Variants in SGF29 observed in about 807,000 individuals in gnomAD.
SGF29 encodes SAGA-associated factor 29.
Under a neutral mutation model 38.1 loss-of-function variants are expected in SGF29, and 15 were observed. The observed-to-expected ratio is 0.39, with a 90% CI of 0.26 to 0.61. The LOEUF (loss-of-function observed/expected upper bound fraction) is 0.61, where lower values mean the gene tolerates loss of function less well. Among genes scored for constraint, SGF29 ranks in the 20% least tolerant of loss-of-function variants. The pLI is 0.49. For synonymous variants in SGF29, 151 were observed against 160.8 expected (o/e 0.94, Z 0.46); for missense variants, 184 against 394.6 (o/e 0.47, Z 4.52).
intron 9 of SGF29, among the ~76,000 whole-genome samples, chr16:28,591,174 C>T (rs902641186): frequency 6.6e-5 from 10 of 152,098 alleles, no homozygotes; most frequent in East Asian, 5.8e-4. Flanking sequence ...GAACCAGCTC[C>T]GAGATGGGAA....
chr16:28,560,670 G>A (rs1690711364), intron 1 of SGF29, among the ~76,000 whole-genome samples: 1 of 151,330 alleles, frequency 6.6e-6, no homozygotes, highest in Admixed American at 6.6e-5. Flanking sequence ...ACAAAAAAAG[G>A]CAATGAACGG....
At chr16:28,554,296 C>T (rs954387448) in intron 1 of SGF29, among the ~76,000 whole-genome samples, 199 bp downstream of exon 1, 1 of 151,742 alleles carries the variant, frequency 6.6e-6, no homozygotes, top group African/African-American at 2.4e-5. Context: ...TCGGGGAGGG[C>T]GGGCCCTGCG....
rs749470859 is a variant in SGF29 at position 28,590,474 on chromosome 16, G to C, written c.566+32G>C. 6.2e-7 allele frequency: 1 copy of C among 1,613,852 alleles called. No homozygotes were observed. Among genetic ancestry groups the C allele is most frequent in the South Asian group, 1.1e-5 (1 of 91,070 alleles). ...GACACCAACCCTGGGGCTGCTCTCT[G>C]GTCACCGAACTTGCCTGGGCTACGG... On this transcript the variant is annotated intron_variant, in intron 7 of 9. Transcript: ENST00000317058. The surrounding 1 kb of genome is among the most constrained non-coding windows in gnomAD (Gnocchi z 8.2).
intron 1 of SGF29, 44 bp from the exon 2 acceptor site, chr16:28,581,011 G>A (rs1302147248): frequency 7.0e-7 from 1 of 1,423,352 alleles, no homozygotes; most frequent in African/African-American, 1.4e-5. Flanking sequence ...TCAGCCCACA[G>A]CAGCCACTAA....
At chr16:28,585,068 A>G in intron 3 of SGF29, 80 bp downstream of exon 3, 1 of 1,089,162 alleles carries the variant, frequency 9.2e-7, no homozygotes, top group Non-Finnish European at 1.4e-6. Flanking sequence ...CGAGGTGGTC[A>G]TTGTATTCAA....
intron 3 of SGF29, 35 bp downstream of exon 3, chr16:28,585,023 G>C (rs907436050): frequency 1.3e-6 from 2 of 1,553,042 alleles, no homozygotes; most frequent in Middle Eastern, 1.7e-4. Context: ...AAGGGGATGA[G>C]ATGGGGCTAG....
At chr16:28,564,548 T>TAC (rs1184131105) in intron 1 of SGF29, among the ~76,000 whole-genome samples, 2 of 92,172 alleles carry the variant, frequency 2.2e-5, no homozygotes, top group Non-Finnish European at 4.7e-5. Context: ...TGTATATATA[T>TAC]ACGTATATAT....
At chr16:28,556,817 T>G (rs1567283384) in intron 1 of SGF29, among the ~76,000 whole-genome samples, 8 of 152,110 alleles carry the variant, frequency 5.3e-5, no homozygotes, top group Admixed American at 3.9e-4. Context: ...CTAATTATTT[T>G]ATTTTGTTTT....
chr16:28,587,535 G>A (rs1021881103), intron 4 of SGF29, among the ~76,000 whole-genome samples: 2 of 152,292 alleles, frequency 1.3e-5, no homozygotes, highest in East Asian at 1.9e-4. Flanking sequence ...TTGTCCCTGC[G>A]TTGGTTTGGC....
chr16:28,561,207 C>T (rs985749860), intron 1 of SGF29, among the ~76,000 whole-genome samples: 1 of 152,012 alleles, frequency 6.6e-6, no homozygotes, highest in African/African-American at 2.4e-5. Context: ...GCCTGGGCAA[C>T]ATAGTGAGAC....
chr16:28,579,757 C>A (rs1424499466), intron 1 of SGF29, among the ~76,000 whole-genome samples: 1 of 151,602 alleles, frequency 6.6e-6, no homozygotes, highest in East Asian at 2.0e-4. Context: ...ATGGTGAAAC[C>A]CCATCTCTAC....
intron 1 of SGF29, among the ~76,000 whole-genome samples, chr16:28,568,711 G>A (rs376325845): frequency 2.0e-5 from 3 of 152,176 alleles, no homozygotes; most frequent in South Asian, 4.1e-4. Flanking sequence ...TCAAGAGATC[G>A]AGACCATCCT....
chr16:28,556,155 A>G (rs535558012), intron 1 of SGF29, among the ~76,000 whole-genome samples: 1 of 152,178 alleles, frequency 6.6e-6, no homozygotes, highest in African/African-American at 2.4e-5. Flanking sequence ...CAATTGATGA[A>G]TATAGATTCT....
At chr16:28,574,530 G>A (rs183995344) in intron 1 of SGF29, among the ~76,000 whole-genome samples, 23 of 152,274 alleles carry the variant, frequency 1.5e-4, no homozygotes, top group East Asian at 3.9e-4. Flanking sequence ...AGTGTGGACC[G>A]TCAGGAAATG....
At position 28,570,544 on chromosome 16, in the gene SGF29, TTTTATTTATTTATTTA is replaced by T. The variant is rs61126025; in HGVS notation, c.-15-10478_-15-10463del. ...TGATTGATTGATTGATTTTTTTAAA[TTTTATTTATTTATTTA>T]TTTATTTATTTATTTATTTATTTAT... is the stretch of plus-strand genomic sequence containing the variant. On this transcript the variant is annotated intron_variant, in intron 1 of 9. Coordinates refer to ENST00000317058, the MANE Select transcript of SGF29 (RefSeq NM_138414.3). Among the ~76,000 whole-genome samples the T allele has an allele frequency of 1.7e-3, 237 of 137,664 alleles. 1 individual carries two copies. In the South Asian group the frequency reaches 0.039, roughly 23 times the overall value. 90.3% of individuals were successfully genotyped at this position (137,664 alleles called of 152,430 possible).
chr16:28,585,565 G>T (rs1403173701), intron 3 of SGF29, 83 bp from the exon 4 acceptor site: 5 of 1,248,666 alleles, frequency 4.0e-6, no homozygotes, highest in Non-Finnish European at 4.7e-6. Context: ...GCCTCCACGA[G>T]TGTGATTCCG....
At position 28,590,715 on chromosome 16, in the gene SGF29, A is replaced by T. The variant is rs1253104867; in HGVS notation, c.602+49A>T. The T allele has an allele frequency of 1.9e-6, 3 of 1,613,948 alleles. No individual in the cohort carries two copies. Among genetic ancestry groups the T allele is most frequent in the African/African-American group, 2.7e-5 (2 of 74,900 alleles). On this transcript the variant is annotated intron_variant, in intron 8 of 9. Transcript: ENST00000317058. The surrounding 1 kb of genome is among the most constrained non-coding windows in gnomAD (Gnocchi z 8.2). Reference sequence around the variant, plus strand: ...GCATGGAGCCTGGGGGCAGCCTAACAGCTGAGAAGGAGCATCCCCACCCGG... The same window carrying T: ...GCATGGAGCCTGGGGGCAGCCTAACTGCTGAGAAGGAGCATCCCCACCCGG...
At chr16:28,588,819 C>T in intron 4 of SGF29, 2 of 374,112 alleles carry the variant, frequency 5.3e-6, no homozygotes, top group South Asian at 2.2e-5. Context: ...GATCCACACT[C>T]CTCGGCCTCC....
chr16:28,573,750 A>G (rs1054820169), intron 1 of SGF29, among the ~76,000 whole-genome samples: 5 of 152,100 alleles, frequency 3.3e-5, no homozygotes, highest in African/African-American at 1.2e-4. Context: ...GGTGGGCATA[A>G]AGTCTCTGGC....
Sources: allele counts gnomAD v4.1 joint callset (sites outside exome capture counted in the v4.1 genomes callset), GRCh38; gene constraint gnomAD v4.1.1; non-coding constraint Gnocchi (gnomAD v3.1); transcripts MANE v1.5; gene names NCBI Gene and HGNC (gene_info 2026-07-23, HGNC 2026-07-21).